Variants in SAMMSON observed in about 807,000 individuals in gnomAD.
SAMMSON encodes long intergenic non-protein coding RNA 1212.
intron 4 of SAMMSON, among the ~76,000 whole-genome samples, chr3:70,223,680 C>A (rs1336679147): frequency 1.3e-5 from 2 of 152,108 alleles, no homozygotes; most frequent in Admixed American, 6.6e-5. Context: ...TGAAAAATTT[C>A]TTTTCCCAAG....
chr3:70,349,505 C>T (rs1436885448), intron 7 of SAMMSON, among the ~76,000 whole-genome samples: 1 of 152,074 alleles, frequency 6.6e-6, no homozygotes, highest in Non-Finnish European at 1.5e-5. Flanking sequence ...AAAATGTGTT[C>T]ATATATATTT....
intron 4 of SAMMSON, chr3:70,126,365 T>C: frequency 9.6e-7 from 1 of 1,046,020 alleles, no homozygotes; most frequent in South Asian, 1.3e-5. Context: ...GCTGATGGAG[T>C]CTTGTCAATG....
intron 4 of SAMMSON, among the ~76,000 whole-genome samples, chr3:70,245,863 G>T (rs948601487): frequency 6.6e-6 from 1 of 150,672 alleles, no homozygotes; most frequent in African/African-American, 2.4e-5. Flanking sequence ...AACAATCTCC[G>T]CAGAAGAGGG....
At chr3:70,078,383 A>G (rs988756531) in intron 4 of SAMMSON, among the ~76,000 whole-genome samples, 4 of 152,112 alleles carry the variant, frequency 2.6e-5, no homozygotes, top group African/African-American at 7.2e-5. Flanking sequence ...TTGAAAGGTA[A>G]TATTCTAAGT....
chr3:70,325,734 G>T (rs183668798), intron 7 of SAMMSON, among the ~76,000 whole-genome samples: 1 of 152,124 alleles, frequency 6.6e-6, no homozygotes, highest in East Asian at 1.9e-4. Flanking sequence ...TTTATAAACA[G>T]ATGTTTATAA....
At chr3:70,112,740 G>A (rs1035140002) in intron 4 of SAMMSON, among the ~76,000 whole-genome samples, 2 of 152,078 alleles carry the variant, frequency 1.3e-5, no homozygotes, top group Non-Finnish European at 2.9e-5. Flanking sequence ...GAATAAACTT[G>A]CCACTTAGAA....
intron 6 of SAMMSON, among the ~76,000 whole-genome samples, chr3:70,285,820 A>C (rs775778713): frequency 2.9e-4 from 44 of 152,322 alleles, no homozygotes; most frequent in Non-Finnish European, 5.7e-4. Flanking sequence ...GATGAGGAGC[A>C]TTTAATCATG....
At chr3:70,030,267 C>T (rs1035369864) in intron 3 of SAMMSON, 6 of 152,034 alleles carry the variant, frequency 3.9e-5, no homozygotes, top group African/African-American at 1.2e-4. Flanking sequence ...TTTTTTGTTG[C>T]TTAAGTGATT....
intron 3 of SAMMSON, among the ~76,000 whole-genome samples, chr3:70,018,505 ATTTTG>A (rs1433122811): frequency 6.6e-6 from 1 of 152,036 alleles, no homozygotes; most frequent in Middle Eastern, 3.4e-3. Context: ...CAGTCTATCA[ATTTTG>A]TTGATCTTTT....
chr3:70,343,114 A>G (rs1451810080), intron 7 of SAMMSON, among the ~76,000 whole-genome samples: 1 of 152,164 alleles, frequency 6.6e-6, no homozygotes, highest in African/African-American at 2.4e-5. Context: ...TTAGATTTAC[A>G]GAAAAATTGG....
At chr3:70,407,755 C>A (rs1359972943) in intron 2 of SAMMSON, among the ~76,000 whole-genome samples, 2 of 152,158 alleles carry the variant, frequency 1.3e-5, no homozygotes, top group Non-Finnish European at 2.9e-5. Context: ...GGTGGATCTA[C>A]CATTCTGCAG....
intron 2 of SAMMSON, among the ~76,000 whole-genome samples, chr3:70,406,328 A>G (rs1701177649): frequency 6.6e-6 from 1 of 152,320 alleles, no homozygotes; most frequent in South Asian, 2.1e-4. Context: ...TCCATATCCT[A>G]TGAAAATATT....
intron 3 of SAMMSON, among the ~76,000 whole-genome samples, chr3:70,029,583 G>A (rs558494233): frequency 3.6e-4 from 55 of 151,996 alleles, no homozygotes; most frequent in African/African-American, 1.2e-3. Context: ...GTGAAATCCC[G>A]TCTCTACTAA....
intron 7 of SAMMSON, among the ~76,000 whole-genome samples, chr3:70,318,526 C>G (rs1702511768): frequency 6.6e-6 from 1 of 151,600 alleles, no homozygotes. Context: ...CTACCTATCT[C>G]CCATACATGA....
At position 70,135,165 on chromosome 3, in the gene SAMMSON, T is replaced by C. The variant is rs1015121306; in HGVS notation, n.507+63600T>C. Among the ~76,000 whole-genome samples the C allele has an allele frequency of 4.6e-5, 7 of 152,288 alleles. No individual in the cohort carries two copies. The East Asian group carries it at 9.6e-4, about 21-fold the overall frequency. ...TTTGTCAATAAAACCTATGGTCTTA[T>C]TGGTTTTTTCTCAGTTGCATTGTTT... On this transcript the variant is annotated intron_variant and non_coding_transcript_variant, in intron 4 of 9. Coordinates refer to ENST00000642114, the Ensembl canonical transcript of SAMMSON.
At chr3:70,265,792 G>T (rs947193758) in intron 6 of SAMMSON, among the ~76,000 whole-genome samples, 11 of 152,174 alleles carry the variant, frequency 7.2e-5, no homozygotes, top group Admixed American at 6.5e-5. Flanking sequence ...ATCATGATGG[G>T]AGGCACCTCT....
intron 6 of SAMMSON, among the ~76,000 whole-genome samples, chr3:70,251,420 A>T (rs1701767042): frequency 6.6e-6 from 1 of 152,178 alleles, no homozygotes; most frequent in Non-Finnish European, 1.5e-5. Context: ...AAGGTTACAG[A>T]TATATCAGGT....
chr3:70,162,089 G>T (rs1249154454), intron 4 of SAMMSON, among the ~76,000 whole-genome samples: 1 of 151,374 alleles, frequency 6.6e-6, no homozygotes. Flanking sequence ...ACAATGTTTT[G>T]GTTTCATTGA....
At chr3:70,345,249 A>G (rs1702741688) in intron 7 of SAMMSON, among the ~76,000 whole-genome samples, 1 of 152,078 alleles carries the variant, frequency 6.6e-6, no homozygotes, top group Non-Finnish European at 1.5e-5. Flanking sequence ...TCCTGTGTAC[A>G]TGTCAAGTGG....
Sources: allele counts gnomAD v4.1 joint callset (sites outside exome capture counted in the v4.1 genomes callset), GRCh38; gene constraint gnomAD v4.1.1; transcripts MANE v1.5; gene names NCBI Gene and HGNC (gene_info 2026-07-23, HGNC 2026-07-21).